The following IFI16 variants were observed in gnomAD, a reference collection of about 807,000 sequenced individuals.
The protein encoded by IFI16 is gamma-interferon-inducible protein 16.
Under a neutral mutation model 68.4 loss-of-function variants are expected in IFI16, and 49 were observed. The ratio of observed to expected loss-of-function variants is 0.72; its 90% CI spans 0.57 to 0.91. IFI16 has a LOEUF of 0.91. IFI16 is among the 40% of genes least tolerant of loss of function. IFI16 has a pLI of 0.00. For missense variants in IFI16, 878 were observed against 942.9 expected, an observed-to-expected ratio of 0.93 and a Z score of 0.90; for synonymous variants, 307 against 315.0, an observed-to-expected ratio of 0.97 and a Z score of 0.27.
At chr1:159,004,677 C>A (rs1396467185), upstream of IFI16, among the ~76,000 whole-genome samples, 2 of 152,044 alleles carry the variant, frequency 1.3e-5, no homozygotes, top group African/African-American at 4.8e-5. Context: ...CACAACAGAG[C>A]AAGACTCCGT....
chr1:159,018,476 A>G lies in IFI16; in HGVS notation c.797A>G (p.Glu266Gly). The G allele has an allele frequency of 6.2e-7, 1 of 1,613,844 alleles. No homozygotes were observed. Among genetic ancestry groups the G allele is most frequent in the Non-Finnish European group, 8.5e-7 (1 of 1,179,700 alleles). The change falls in exon 5 of 12, where the codon GAA (glutamate) becomes GGA (glycine). Residue 266 changes from glutamate to glycine, a missense_variant. Coordinates refer to ENST00000295809, the MANE Select transcript of IFI16 (RefSeq NM_001376587.1). ...ATCATCATCATATCAGATTATTTGG[A>G]ATATGATAGTCTCCTAGAGGTCAAT... ...KKIIIISDYLEYDSLLEVNEE... is the reference protein window; with the variant it reads ...KKIIIISDYLGYDSLLEVNEE...
At chr1:159,047,101 G>C (rs1252433278) in intron 8 of IFI16, among the ~76,000 whole-genome samples, 1 of 150,670 alleles carries the variant, frequency 6.6e-6, no homozygotes, top group African/African-American at 2.4e-5. Context: ...ACTGACCCAC[G>C]GCAACTTGAG....
chr1:159,005,637 G>C (rs1183960822), upstream of IFI16, among the ~76,000 whole-genome samples: 1 of 152,176 alleles, frequency 6.6e-6, no homozygotes, highest in Non-Finnish European at 1.5e-5. Context: ...AAAATTTCAA[G>C]GAAGGACTGG....
upstream of IFI16, among the ~76,000 whole-genome samples, chr1:159,000,999 A>G (rs1448216598): frequency 6.6e-6 from 1 of 152,232 alleles, no homozygotes; most frequent in Non-Finnish European, 1.5e-5. Context: ...CTTAAGCACA[A>G]AAGGTGCAAG....
At chr1:159,044,897 G>C (rs1254477324) in intron 7 of IFI16, among the ~76,000 whole-genome samples, 1 of 151,862 alleles carries the variant, frequency 6.6e-6, no homozygotes, top group Non-Finnish European at 1.5e-5. Flanking sequence ...GCACTTGAGA[G>C]AGACTGGTTT....
At chr1:159,021,201 C>T (rs1242901917) in intron 6 of IFI16, among the ~76,000 whole-genome samples, 1 of 152,188 alleles carries the variant, frequency 6.6e-6, no homozygotes, top group Admixed American at 6.5e-5. Flanking sequence ...ATCGTCCAAG[C>T]AGCGTACACT....
In IFI16 at chr1:159,014,662, C is replaced by A; in HGVS notation, c.-19C>A. On this transcript the variant is annotated splice_region_variant and 5_prime_UTR_variant, in exon 2 of 12. Coordinates refer to ENST00000295809, the MANE Select transcript of IFI16 (RefSeq NM_001376587.1). ...TGTATATACCATTTTCTCTTGTAGG[C>A]TCACTTATGTCTGTAAAGATGGGAA... 1 of 1,568,474 alleles carries A rather than the reference C, an allele frequency of 6.4e-7. No homozygotes were observed. Among genetic ancestry groups the A allele is most frequent in the Non-Finnish European group, 8.6e-7 (1 of 1,156,106 alleles).
chr1:159,050,609 G>T (rs890953520), intron 9 of IFI16, among the ~76,000 whole-genome samples: 1 of 152,122 alleles, frequency 6.6e-6, no homozygotes, highest in Non-Finnish European at 1.5e-5. Context: ...CAGCCGTCCT[G>T]CCTCCATGTT....
intron 7 of IFI16, among the ~76,000 whole-genome samples, chr1:159,043,071 A>T (rs913319564): frequency 1.1e-4 from 17 of 152,206 alleles, no homozygotes; most frequent in African/African-American, 4.1e-4. Context: ...TCAGTTGAGG[A>T]CAGGCTTTCT....
chr1:159,028,733 G>T (rs984855788), intron 6 of IFI16, among the ~76,000 whole-genome samples: 1 of 147,998 alleles, frequency 6.8e-6, no homozygotes, highest in Non-Finnish European at 1.5e-5. Flanking sequence ...TATTGGACTA[G>T]TTCTTTTAGC....
Position 159,055,121 on chromosome 1 carries a change from AAAAT to A in IFI16, c.*228_*231del. The A allele has an allele frequency of 2.8e-6, 1 of 359,958 alleles. No individual in the cohort carries two copies. The highest frequency in any genetic ancestry group is 7.6e-4 in the Middle Eastern group (1 of 1,320). 22.3% of individuals were successfully genotyped at this position (359,958 alleles called of 1,614,324 possible). On this transcript the variant is annotated 3_prime_UTR_variant, in exon 12 of 12. Coordinates refer to ENST00000295809, the MANE Select transcript of IFI16 (RefSeq NM_001376587.1). ...GCATCTACAACTTCTATAATTTGAA[AAAAT>A]AAATAAACATTATCTTTTTTGTGAA...
At chr1:159,033,671 A>C (rs1457541190) in intron 7 of IFI16, among the ~76,000 whole-genome samples, 1 of 152,246 alleles carries the variant, frequency 6.6e-6, no homozygotes, top group Non-Finnish European at 1.5e-5. Context: ...ATTTAAACCT[A>C]AAACGTGAAA....
At position 159,053,490 on chromosome 1, in the gene IFI16, A is replaced by G. The variant is rs752136854; in HGVS notation, c.2086-43A>G. 3.6e-6 allele frequency: 5 copies of G among 1,388,884 alleles called. No individual in the cohort carries two copies. In the South Asian group the frequency reaches 6.2e-5, roughly 17 times the overall value. 86.0% of individuals were successfully genotyped at this position (1,388,884 alleles called of 1,614,324 possible). On this transcript the variant is annotated intron_variant, in intron 10 of 11. Coordinates refer to ENST00000295809, the MANE Select transcript of IFI16 (RefSeq NM_001376587.1). Reference sequence around the variant, plus strand: ...TGTATTTCTCATAGATTTGAAAATTATTGATCCAGTTTCAGAAGATAAGTG... The same window carrying G: ...TGTATTTCTCATAGATTTGAAAATTGTTGATCCAGTTTCAGAAGATAAGTG...
intron 7 of IFI16, among the ~76,000 whole-genome samples, chr1:159,034,795 G>A (rs1247421620): frequency 6.6e-6 from 1 of 152,196 alleles, no homozygotes; most frequent in Non-Finnish European, 1.5e-5. Flanking sequence ...CAATTGGGGT[G>A]TGGGAGTAAT....
chr1:159,015,024 A>T, intron 2 of IFI16, 79 bp downstream of exon 2: 2 of 1,334,172 alleles, frequency 1.5e-6, no homozygotes, highest in Non-Finnish European at 2.1e-6. Flanking sequence ...CCCACCTCGG[A>T]CATACTTGAG....
Position 159,015,016 on chromosome 1 carries a change from C to T in IFI16, c.265+71C>T, listed in dbSNP as rs1652834517. On this transcript the variant is annotated intron_variant, in intron 2 of 11. Coordinates refer to ENST00000295809, the MANE Select transcript of IFI16 (RefSeq NM_001376587.1). ...CCCTCCCCAACATTGATTAGAGCCC[C>T]ACCTCGGACATACTTGAGATGTGTT... 8.8e-6 allele frequency: 12 copies of T among 1,362,208 alleles called. No homozygotes were observed. In the East Asian group the frequency reaches 2.8e-4, roughly 31 times the overall value. 84.4% of individuals were successfully genotyped at this position (1,362,208 alleles called of 1,614,324 possible). A position where few individuals can be genotyped will look rare whatever the true frequency, so the allele number is the denominator to read the frequency against.
Position 159,050,909 on chromosome 1 carries a change from C to T in IFI16, c.1666-770C>T, listed in dbSNP as rs114462566. Among the ~76,000 whole-genome samples the T allele has an allele frequency of 9.1e-3, 1,383 of 152,282 alleles. 21 individuals carry two copies. The highest frequency in any genetic ancestry group is 0.031 in the African/African-American group (1,302 of 41,550). ...ATGATGTTTTTGCAACATAGTGCTG[C>T]TTCATTAGAAAGGGCTTTGCAATTT... On this transcript the variant is annotated intron_variant, in intron 9 of 11. Coordinates refer to ENST00000295809, the MANE Select transcript of IFI16 (RefSeq NM_001376587.1).
chr1:159,041,488 A>G (rs1196344641), intron 7 of IFI16, among the ~76,000 whole-genome samples: 1 of 152,202 alleles, frequency 6.6e-6, no homozygotes, highest in Non-Finnish European at 1.5e-5. Context: ...CCTGAAGAGC[A>G]GATAACTATT....
upstream of IFI16, chr1:159,009,137 G>C (rs1652389805): frequency 6.6e-6 from 1 of 152,170 alleles, no homozygotes. Flanking sequence ...TCAAGTCTTC[G>C]ATGCTGTCAT....
Sources: allele counts gnomAD v4.1 joint callset (sites outside exome capture counted in the v4.1 genomes callset), GRCh38; gene constraint gnomAD v4.1.1; transcripts MANE v1.5; gene names NCBI Gene and HGNC (gene_info 2026-07-23, HGNC 2026-07-21).